Variants in RBM33 observed in about 807,000 individuals in gnomAD.
RBM33 encodes the protein RNA-binding protein 33.
A neutral mutation model predicts 132.6 loss-of-function variants in RBM33; 28 were observed. The ratio of observed to expected loss-of-function variants is 0.21; its 90% CI spans 0.16 to 0.29. The LOEUF is 0.29. Among genes scored for constraint, RBM33 ranks in the 10% least tolerant of loss-of-function variants. RBM33 has a pLI of 1.00. For missense variants in RBM33, 1,291 were observed against 1,518.5 expected, an observed-to-expected ratio of 0.85 and a Z score of 2.49; for synonymous variants, 634 against 593.0, an observed-to-expected ratio of 1.07 and a Z score of -1.01.
At chr7:155,769,544 A>G (rs1157599265) in intron 16 of RBM33, among the ~76,000 whole-genome samples, 1 of 152,056 alleles carries the variant, frequency 6.6e-6, no homozygotes, top group Non-Finnish European at 1.5e-5. Flanking sequence ...CCGCTCAGAG[A>G]AGAATCTGCC....
At chr7:155,737,745 A>G in intron 10 of RBM33, 83 bp downstream of exon 10, 1 of 1,385,742 alleles carries the variant, frequency 7.2e-7, no homozygotes, top group African/African-American at 1.5e-5. Flanking sequence ...TGTAAACTGA[A>G]TTGAACTCCC....
intron 6 of RBM33, among the ~76,000 whole-genome samples, chr7:155,705,129 T>A (rs1458503952): frequency 6.6e-6 from 1 of 152,226 alleles, no homozygotes; most frequent in African/African-American, 2.4e-5. Context: ...TATGTATCTC[T>A]TTAGAATCTG....
chr7:155,724,136 C>CT (rs917082046), intron 9 of RBM33, among the ~76,000 whole-genome samples: 12 of 149,528 alleles, frequency 8.0e-5, no homozygotes, highest in African/African-American at 1.7e-4. Context: ...AAACACACTG[C>CT]TTTTTTTTTT....
intron 9 of RBM33, among the ~76,000 whole-genome samples, chr7:155,727,851 G>A (rs925490341): frequency 5.3e-5 from 8 of 152,204 alleles, no homozygotes; most frequent in African/African-American, 1.2e-4. Flanking sequence ...CTGCAGGCCC[G>A]GCTTCCCGGG....
At chr7:155,673,768 G>GCGCACGCACACACA (rs1554469952) in intron 3 of RBM33, among the ~76,000 whole-genome samples, 3 of 132,980 alleles carry the variant, frequency 2.3e-5, no homozygotes, top group East Asian at 4.3e-4. Context: ...GCGCATGCGC[G>GCGCACGCACACACA]CACACACACA....
intron 3 of RBM33, among the ~76,000 whole-genome samples, chr7:155,673,401 ATT>A (rs1491372637): frequency 4.0e-4 from 14 of 34,836 alleles, no homozygotes; most frequent in East Asian, 1.0e-3. Context: ...ATTTATATAT[ATT>A]GTGTGTGTGT....
rs550767386 is a variant in RBM33, at chr7:155,777,030, A to G, written c.*1989A>G. 2 of 152,470 alleles carry G rather than the reference A, an allele frequency of 1.3e-5. No homozygotes were observed. The highest frequency in any genetic ancestry group is 4.1e-4 in the South Asian group (2 of 4,820). 9.4% of individuals were successfully genotyped at this position (152,470 alleles called of 1,614,324 possible). A position where few individuals can be genotyped will look rare whatever the true frequency, so the allele number is the denominator to read the frequency against. Reference sequence around the variant, plus strand: ...TTATCATTGAGGGCTTACTGATACAATGAAATGAGTTTCATGACTTTTTTT... The same window carrying G: ...TTATCATTGAGGGCTTACTGATACAGTGAAATGAGTTTCATGACTTTTTTT... On this transcript the variant is annotated 3_prime_UTR_variant, in exon 18 of 18. Coordinates refer to ENST00000401878, the MANE Select transcript of RBM33 (RefSeq NM_053043.3).
chr7:155,671,428 T>C (rs1184762042), intron 2 of RBM33, among the ~76,000 whole-genome samples: 1 of 152,218 alleles, frequency 6.6e-6, no homozygotes, highest in Non-Finnish European at 1.5e-5. Flanking sequence ...ATATAGGACT[T>C]ACTGGAGGAT....
chr7:155,673,940 G>GTTGTTTTTTGTTTTTTTTTTT, intron 3 of RBM33, among the ~76,000 whole-genome samples: 8 of 54,196 alleles, frequency 1.5e-4, no homozygotes, highest in African/African-American at 4.9e-4. Flanking sequence ...TTTAGGCTTA[G>GTTGTTTTTTGTTTTTTTTTTT]TTTTTTTTTT....
At chr7:155,734,463 TTTTGTA>T (rs1801050313) in intron 9 of RBM33, among the ~76,000 whole-genome samples, 1 of 152,214 alleles carries the variant, frequency 6.6e-6, no homozygotes, top group Admixed American at 6.5e-5. Context: ...GTGTTATTAA[TTTTGTA>T]TTTGTAAGCT....
rs985704696 is a variant in RBM33 at position 155,774,793 on chromosome 7, C to A, written c.3464+146C>A. 2 of 819,786 alleles carry A rather than the reference C, an allele frequency of 2.4e-6. No individual in the cohort carries two copies. The highest frequency in any genetic ancestry group is 3.4e-5 in the African/African-American group (2 of 58,920). 50.8% of individuals were successfully genotyped at this position (819,786 alleles called of 1,614,324 possible). On this transcript the variant is annotated intron_variant, in intron 17 of 17. Transcript: ENST00000401878. The surrounding 1 kb of genome is among the most constrained non-coding windows in gnomAD (Gnocchi z 4.2). ...TAGGGCACAAAGCGCAGACGGTGAT[C>A]CTGTCATGAGGCGCGCGTCCTTTTG...
chr7:155,684,933 G>A (rs765506414), intron 5 of RBM33: 1 of 1,549,926 alleles, frequency 6.5e-7, no homozygotes, highest in South Asian at 1.2e-5. Flanking sequence ...TGGCTGTTAG[G>A]ATGAAGAATA....
In RBM33 at chr7:155,775,047, A is replaced by G. The variant is rs1332716624; in HGVS notation, c.*6A>G. 3.7e-6 allele frequency: 6 copies of G among 1,612,312 alleles called. No homozygotes were observed. Among genetic ancestry groups the G allele is most frequent in the South Asian group, 2.2e-5 (2 of 91,044 alleles). ...TGGCCCTGATCGTGGAGTGAGTCCTAACAAGAGAGCCTGACCTTAGGCTGT... is the reference window on the plus strand; with the variant it reads ...TGGCCCTGATCGTGGAGTGAGTCCTGACAAGAGAGCCTGACCTTAGGCTGT... On this transcript the variant is annotated 3_prime_UTR_variant, in exon 18 of 18. Coordinates refer to ENST00000401878, the MANE Select transcript of RBM33 (RefSeq NM_053043.3).
At chr7:155,680,936 A>G in intron 5 of RBM33, 28 bp downstream of exon 5, 2 of 1,577,966 alleles carry the variant, frequency 1.3e-6, no homozygotes, top group Non-Finnish European at 1.7e-6. Context: ...TGTATGGCCA[A>G]AGATAACCTG....
intron 11 of RBM33, chr7:155,739,111 G>A (rs1273128949): frequency 6.9e-6 from 1 of 145,664 alleles, no homozygotes; most frequent in African/African-American, 2.8e-5. Flanking sequence ...AAGATAAAAT[G>A]TTTTTAAGAA....
chr7:155,752,995 G>A (rs1471978993), intron 14 of RBM33, among the ~76,000 whole-genome samples: 1 of 152,058 alleles, frequency 6.6e-6, no homozygotes, highest in East Asian at 1.9e-4. Flanking sequence ...AGGATGTAAG[G>A]CAGTTTCAGG....
chr7:155,673,575 C>CAT (rs1799027500), intron 3 of RBM33, among the ~76,000 whole-genome samples: 2 of 88,546 alleles, frequency 2.3e-5, no homozygotes, highest in East Asian at 2.7e-4. Flanking sequence ...CATATACATA[C>CAT]ACACGTGTAT....
chr7:155,647,169 A>G (rs1231880100), intron 1 of RBM33, among the ~76,000 whole-genome samples: 1 of 152,234 alleles, frequency 6.6e-6, no homozygotes, highest in African/African-American at 2.4e-5. Context: ...GTACATACAT[A>G]AAAGTTAAAA....
intron 7 of RBM33, chr7:155,707,413 T>C (rs1452904615): frequency 2.3e-6 from 1 of 433,822 alleles, no homozygotes; most frequent in Non-Finnish European, 4.6e-6. Context: ...TGAGAGATGT[T>C]ATTACAGATA....
Sources: allele counts gnomAD v4.1 joint callset (sites outside exome capture counted in the v4.1 genomes callset), GRCh38; gene constraint gnomAD v4.1.1; non-coding constraint Gnocchi (gnomAD v3.1); transcripts MANE v1.5; gene names NCBI Gene and HGNC (gene_info 2026-07-23, HGNC 2026-07-21).